ST8SIA4: variants seen among roughly 807,000 people sequenced by gnomAD.
ST8SIA4 encodes ST8 alpha-N-acetyl-neuraminide alpha-2,8-sialyltransferase 4.
Under a neutral mutation model 33.9 loss-of-function variants are expected in ST8SIA4, and 15 were observed. The observed-to-expected ratio is 0.44, with a 90% confidence interval of 0.30 to 0.68. The LOEUF is 0.68. ST8SIA4 is among the 30% of genes least tolerant of loss of function. The pLI, the probability that ST8SIA4 is intolerant of heterozygous loss-of-function variation, is 0.10. For missense variants in ST8SIA4, 321 were observed against 428.0 expected, an observed-to-expected ratio of 0.75 and a Z score of 2.21; for synonymous variants, 171 against 151.2, an observed-to-expected ratio of 1.13 and a Z score of -0.96.
At chr5:100,828,376 C>G (rs575441829) in intron 4 of ST8SIA4, among the ~76,000 whole-genome samples, 1 of 152,300 alleles carries the variant, frequency 6.6e-6, no homozygotes, top group Admixed American at 6.5e-5. Context: ...GAGAAAGCAA[C>G]TTTCCGGTAC....
rs937808333 is a variant in ST8SIA4 at position 100,844,902 on chromosome 5, C to A, written c.797+11201G>T. 9.9e-5 allele frequency among the ~76,000 whole-genome samples: 15 copies of A among 152,018 alleles called. 1 individual carries two copies. The highest frequency in any genetic ancestry group is 8.5e-4 in the Admixed American group (13 of 15,222). On this transcript the variant is annotated intron_variant, in intron 4 of 4. Coordinates refer to ENST00000231461, the MANE Select transcript of ST8SIA4 (RefSeq NM_005668.6). ...AAGAGAAAAAGAAACAGAAATGACT[C>A]TTTCTTTGATCTCTTACCAATAGGA...
At chr5:100,827,189 CAG>C in intron 4 of ST8SIA4, among the ~76,000 whole-genome samples, 1 of 152,194 alleles carries the variant, frequency 6.6e-6, no homozygotes, top group Admixed American at 6.5e-5. Context: ...ATACATTTGT[CAG>C]AGTGTTGAAG....
At chr5:100,883,391 A>G (rs537376068) in intron 3 of ST8SIA4, among the ~76,000 whole-genome samples, 2 of 152,308 alleles carry the variant, frequency 1.3e-5, no homozygotes, top group East Asian at 1.9e-4. Flanking sequence ...CTAAGCAGTA[A>G]CTAGCTTGCT....
At chr5:100,847,991 A>C (rs1396884625) in intron 4 of ST8SIA4, among the ~76,000 whole-genome samples, 1 of 152,100 alleles carries the variant, frequency 6.6e-6, no homozygotes, top group Non-Finnish European at 1.5e-5. Context: ...CATATAAAGT[A>C]TGTAAATCAA....
chr5:100,900,909 C>T (rs1752895451), intron 1 of ST8SIA4, among the ~76,000 whole-genome samples: 1 of 152,210 alleles, frequency 6.6e-6, no homozygotes, highest in Non-Finnish European at 1.5e-5. Flanking sequence ...GTGCGCGCCT[C>T]TCTTCCTGTT....
chr5:100,900,734 G>T (rs991553457), intron 1 of ST8SIA4, among the ~76,000 whole-genome samples: 3 of 126,386 alleles, frequency 2.4e-5, no homozygotes, highest in African/African-American at 5.9e-5. Context: ...GCCAGTTGCC[G>T]ACTGAGCTTT....
intron 4 of ST8SIA4, among the ~76,000 whole-genome samples, chr5:100,814,753 G>A (rs1266124033): frequency 2.0e-5 from 3 of 151,678 alleles, no homozygotes; most frequent in African/African-American, 7.3e-5. Context: ...ATTGCAATTC[G>A]GTATTAAACC....
chr5:100,824,174 C>A (rs1751092132), intron 4 of ST8SIA4, among the ~76,000 whole-genome samples: 1 of 152,048 alleles, frequency 6.6e-6, no homozygotes, highest in Non-Finnish European at 1.5e-5. Flanking sequence ...TATTATTGAC[C>A]ATCTGTTTCT....
chr5:100,874,623 T>A (rs1057127968), intron 3 of ST8SIA4, among the ~76,000 whole-genome samples: 1 of 152,008 alleles, frequency 6.6e-6, no homozygotes, highest in Non-Finnish European at 1.5e-5. Context: ...CTTGCTCTTT[T>A]ATGCAGGCTC....
intron 4 of ST8SIA4, among the ~76,000 whole-genome samples, chr5:100,844,727 A>G (rs994573959): frequency 1.2e-4 from 18 of 152,144 alleles, no homozygotes; most frequent in African/African-American, 4.1e-4. Flanking sequence ...TGTGGCTCCA[A>G]TACTTGCCTT....
At chr5:100,875,303 A>C (rs1752281897) in intron 3 of ST8SIA4, among the ~76,000 whole-genome samples, 1 of 152,138 alleles carries the variant, frequency 6.6e-6, no homozygotes, top group Admixed American at 6.6e-5. Flanking sequence ...GAATGCTGAT[A>C]GCTTATGGCA....
At chr5:100,850,190 G>T (rs1050247345) in intron 4 of ST8SIA4, among the ~76,000 whole-genome samples, 1 of 152,032 alleles carries the variant, frequency 6.6e-6, no homozygotes, top group African/African-American at 2.4e-5. Context: ...TTTTGAGAAA[G>T]ATGTAAGTTT....
intron 4 of ST8SIA4, among the ~76,000 whole-genome samples, chr5:100,812,996 C>T (rs1750845138): frequency 6.6e-6 from 1 of 151,780 alleles, no homozygotes; most frequent in African/African-American, 2.4e-5. Flanking sequence ...CAATGATAAA[C>T]ACAAAAACTT....
chr5:100,880,557 T>C (rs531769417), intron 3 of ST8SIA4, among the ~76,000 whole-genome samples: 53 of 152,170 alleles, frequency 3.5e-4, no homozygotes, highest in Non-Finnish European at 4.1e-4. Context: ...GGCAAGATAT[T>C]AGTATTTTAT....
intron 3 of ST8SIA4, chr5:100,885,550 T>C (rs116786113): frequency 0.022 from 20,032 of 930,154 alleles, 240 homozygotes; most frequent in Admixed American, 0.025. Flanking sequence ...TATCTTTATA[T>C]TGTACTATTT....
intron 3 of ST8SIA4, among the ~76,000 whole-genome samples, chr5:100,867,376 C>A (rs1163337364): frequency 6.6e-6 from 1 of 152,004 alleles, no homozygotes. Flanking sequence ...GGTTGCTGAG[C>A]AGTTACTACT....
chr5:100,824,836 G>C (rs1466379363), intron 4 of ST8SIA4, among the ~76,000 whole-genome samples: 1 of 151,046 alleles, frequency 6.6e-6, no homozygotes, highest in Non-Finnish European at 1.5e-5. Flanking sequence ...TGAGGTGGGA[G>C]GGTCCTGGAG....
rs190612749 is a variant in ST8SIA4, at chr5:100,882,097, G to A, written c.503+4246C>T. ...AACAGGCAGAGGTTGCAACAGTTTG[G>A]AGGGCTCAGAACAAGACAGGAAAAT... On this transcript the variant is annotated intron_variant, in intron 3 of 4. Coordinates refer to ENST00000231461, the MANE Select transcript of ST8SIA4 (RefSeq NM_005668.6). Among the ~76,000 whole-genome samples the A allele has an allele frequency of 4.5e-3, 686 of 152,308 alleles. 1 individual carries two copies. The highest frequency in any genetic ancestry group is 6.1e-3 in the Non-Finnish European group (413 of 68,016).
chr5:100,855,265 C>T (rs1751789729), intron 4 of ST8SIA4, among the ~76,000 whole-genome samples: 1 of 152,152 alleles, frequency 6.6e-6, no homozygotes, highest in African/African-American at 2.4e-5. Flanking sequence ...GTCCACTTTC[C>T]AAGTGTCTTT....
Sources: gnomAD v4.1 joint callset for allele counts (sites outside exome capture counted in the v4.1 genomes callset) on GRCh38, gnomAD v4.1.1 for gene constraint, MANE v1.5 for transcripts, NCBI Gene and HGNC (gene_info 2026-07-23, HGNC 2026-07-21) for gene names.